Variants in SAMMSON observed in about 807,000 individuals in gnomAD.
SAMMSON encodes long intergenic non-protein coding RNA 1212.
chr3:70,223,089 A>C (rs2106738209), intron 4 of SAMMSON, among the ~76,000 whole-genome samples: 1 of 152,270 alleles, frequency 6.6e-6, no homozygotes, highest in Non-Finnish European at 1.5e-5. Flanking sequence ...AAAATGTGGC[A>C]AGTCTTATGG....
At chr3:70,264,023 A>T (rs578192425) in intron 6 of SAMMSON, among the ~76,000 whole-genome samples, 1 of 152,360 alleles carries the variant, frequency 6.6e-6, no homozygotes, top group South Asian at 2.1e-4. Flanking sequence ...TAACTTTACT[A>T]TGAATTATCA....
chr3:70,429,207 A>G (rs945298955), intron 2 of SAMMSON, among the ~76,000 whole-genome samples: 4 of 152,130 alleles, frequency 2.6e-5, no homozygotes, highest in Non-Finnish European at 4.4e-5. Flanking sequence ...TCCCAACACC[A>G]TTTATTAAAT....
intron 4 of SAMMSON, among the ~76,000 whole-genome samples, chr3:70,153,589 C>T (rs1430574573): frequency 6.6e-6 from 1 of 151,744 alleles, no homozygotes; most frequent in African/African-American, 2.4e-5. Flanking sequence ...TTTAATAAAC[C>T]GAAAGTAATC....
chr3:70,172,994 C>T (rs1252667222), intron 4 of SAMMSON: 1 of 151,824 alleles, frequency 6.6e-6, no homozygotes, highest in African/African-American at 2.4e-5. Context: ...TACTCTTAAT[C>T]GTTTGCTTCA....
At chr3:70,045,076 TAA>T (rs1491508463) in intron 3 of SAMMSON, among the ~76,000 whole-genome samples, 45 of 84,154 alleles carry the variant, frequency 5.3e-4, no homozygotes, top group Admixed American at 1.3e-3. Context: ...ATATTATAAT[TAA>T]TATATATAAT....
chr3:70,037,593 G>A (rs1274479927), intron 3 of SAMMSON, among the ~76,000 whole-genome samples: 1 of 152,162 alleles, frequency 6.6e-6, no homozygotes, highest in Non-Finnish European at 1.5e-5. Flanking sequence ...GGGCTTCCCA[G>A]TTATGTGAGC....
chr3:70,302,952 T>A (rs568278231), intron 7 of SAMMSON, among the ~76,000 whole-genome samples: 107 of 152,286 alleles, frequency 7.0e-4, no homozygotes, highest in African/African-American at 1.9e-3. Flanking sequence ...GGAATTTAAT[T>A]TGTTGGCCTA....
At chr3:70,152,425 A>G (rs753169655) in intron 4 of SAMMSON, among the ~76,000 whole-genome samples, 1 of 151,950 alleles carries the variant, frequency 6.6e-6, no homozygotes, top group Non-Finnish European at 1.5e-5. Flanking sequence ...TTTTTTAAGC[A>G]CTCTTCTAAT....
intron 2 of SAMMSON, among the ~76,000 whole-genome samples, chr3:70,418,832 C>T (rs187549202): frequency 1.3e-5 from 2 of 152,174 alleles, no homozygotes; most frequent in African/African-American, 2.4e-5. Context: ...TATCATTCTT[C>T]TCTTAATTGC....
At chr3:70,296,849 A>T (rs182352380) in intron 7 of SAMMSON, among the ~76,000 whole-genome samples, 17 of 152,178 alleles carry the variant, frequency 1.1e-4, no homozygotes, top group African/African-American at 3.9e-4. Flanking sequence ...GGCATATGTA[A>T]TAATGGCCTC....
chr3:70,232,908 G>T (rs2106746064), intron 4 of SAMMSON, among the ~76,000 whole-genome samples: 1 of 152,202 alleles, frequency 6.6e-6, no homozygotes, highest in East Asian at 1.9e-4. Context: ...GAAGCCCTAT[G>T]CTAGGCGTGG....
chr3:70,273,936 A>G (rs1251494442), intron 6 of SAMMSON, among the ~76,000 whole-genome samples: 1 of 152,120 alleles, frequency 6.6e-6, no homozygotes, highest in Non-Finnish European at 1.5e-5. Flanking sequence ...CAGAGCAGCC[A>G]CAGGCACACA....
At chr3:70,093,427 C>G (rs927304075) in intron 4 of SAMMSON, among the ~76,000 whole-genome samples, 2 of 152,118 alleles carry the variant, frequency 1.3e-5, no homozygotes, top group Non-Finnish European at 1.5e-5. Context: ...TTGTCAATGG[C>G]TTGGATTGTA....
chr3:70,367,223 T>C (rs1306097930), intron 9 of SAMMSON, among the ~76,000 whole-genome samples: 1 of 151,530 alleles, frequency 6.6e-6, no homozygotes, highest in African/African-American at 2.4e-5. Context: ...TACGGACAAC[T>C]ATAGTCACCC....
At chr3:70,079,600 C>G (rs1047931001) in intron 4 of SAMMSON, among the ~76,000 whole-genome samples, 2 of 152,060 alleles carry the variant, frequency 1.3e-5, no homozygotes. Flanking sequence ...ATAGGCTTTG[C>G]GTTAGATAAT....
At chr3:70,268,474 C>CAAAAAAAAAAAA (rs66482424) in intron 6 of SAMMSON, among the ~76,000 whole-genome samples, 1 of 96,616 alleles carries the variant, frequency 1.0e-5, no homozygotes, top group Non-Finnish European at 2.0e-5. Context: ...GACTCCGTCT[C>CAAAAAAAAAAAA]AAAAAAAAAA....
intron 4 of SAMMSON, among the ~76,000 whole-genome samples, chr3:70,236,532 G>A (rs1300593749): frequency 1.3e-5 from 2 of 152,120 alleles, no homozygotes; most frequent in Non-Finnish European, 2.9e-5. Context: ...CAAAAATAAT[G>A]ATAATATTAA....
At chr3:70,086,353 G>T (rs1040901481) in intron 4 of SAMMSON, among the ~76,000 whole-genome samples, 2 of 152,182 alleles carry the variant, frequency 1.3e-5, no homozygotes, top group African/African-American at 4.8e-5. Flanking sequence ...TTTTAACCAA[G>T]ACGAATTTGG....
intron 2 of SAMMSON, among the ~76,000 whole-genome samples, chr3:70,398,662 A>G (rs1057020501): frequency 6.6e-6 from 1 of 152,190 alleles, no homozygotes; most frequent in African/African-American, 2.4e-5. Context: ...AATTTTTGGA[A>G]TCCTAAAGAT....
Sources: gnomAD v4.1 joint callset for allele counts (sites outside exome capture counted in the v4.1 genomes callset) on GRCh38, gnomAD v4.1.1 for gene constraint, MANE v1.5 for transcripts, NCBI Gene and HGNC (gene_info 2026-07-23, HGNC 2026-07-21) for gene names.